Variants in CCDC15 observed in about 807,000 individuals in gnomAD.
CCDC15 encodes the protein coiled-coil domain-containing protein 15.
CCDC15 carries 105 observed loss-of-function variants against 114.5 expected under a neutral mutation model. The ratio of observed to expected loss-of-function variants is 0.92; its 90% CI spans 0.78 to 1.08. The LOEUF (loss-of-function observed/expected upper bound fraction) is 1.08, where lower values mean the gene tolerates loss of function less well. Among genes scored for constraint, CCDC15 ranks in the 50% least tolerant of loss-of-function variants. The pLI, the probability that CCDC15 is intolerant of heterozygous loss-of-function variation, is 0.00. For synonymous variants in CCDC15, 334 were observed against 377.8 expected (o/e 0.88, Z 1.34); for missense variants, 1,105 against 1,093.6 (o/e 1.01, Z -0.15).
chr11:125,009,566 G>GT (rs1948575660), intron 13 of CCDC15, among the ~76,000 whole-genome samples: 2 of 152,200 alleles, frequency 1.3e-5, no homozygotes, highest in South Asian at 4.1e-4. Context: ...GGTATATTGC[G>GT]TGATGCTGAA....
chr11:124,959,372 A>G, intron 3 of CCDC15, 108 bp downstream of exon 3: 1 of 919,570 alleles, frequency 1.1e-6, no homozygotes. Flanking sequence ...CATGCCTAAT[A>G]TAATCTAATT....
chr11:125,025,308 A>C (rs188969250), intron 13 of CCDC15, among the ~76,000 whole-genome samples: 4 of 151,192 alleles, frequency 2.6e-5, no homozygotes, highest in Non-Finnish European at 5.9e-5. Flanking sequence ...GAGATTTGCT[A>C]AACTTTTGTG....
At chr11:124,956,892 T>C (rs1349397289) in intron 2 of CCDC15, among the ~76,000 whole-genome samples, 1 of 152,178 alleles carries the variant, frequency 6.6e-6, no homozygotes, top group Admixed American at 6.5e-5. Context: ...TTAGATCATG[T>C]CTGTTCTAAA....
intron 13 of CCDC15, among the ~76,000 whole-genome samples, chr11:125,016,983 T>G (rs1948633149): frequency 1.3e-5 from 2 of 152,220 alleles, no homozygotes; most frequent in Non-Finnish European, 2.9e-5. Flanking sequence ...AATCTTGTAT[T>G]GATAGTTGGC....
rs773532986 is a variant in CCDC15 at position 124,987,565 on chromosome 11, C to A, written c.1339C>A (p.Gln447Lys). 1 of 1,614,018 alleles carries A rather than the reference C, an allele frequency of 6.2e-7. No individual in the cohort carries two copies. The highest frequency in any genetic ancestry group is 1.7e-5 in the Admixed American group (1 of 60,022). Residue 447 changes from glutamine (Q) to lysine (K), a missense_variant, in exon 8 of 16, where the codon CAG becomes AAG. By Grantham distance (53) the Gln-to-Lys change is moderately conservative (BLOSUM62 1). Transcript: ENST00000344762. ...GAGTATTCTACTCAAATATCAGGAC[C>A]AGGACTTCCTACCCAGAGACCAGCA... ...DQSILLKYQDQDFLPRDQHVL... is the reference protein window; with the variant it reads ...DQSILLKYQDKDFLPRDQHVL...
chr11:125,007,486 C>T (rs1948561002), intron 13 of CCDC15, among the ~76,000 whole-genome samples: 1 of 152,188 alleles, frequency 6.6e-6, no homozygotes, highest in South Asian at 2.1e-4. Flanking sequence ...CTGTTGAAGA[C>T]ACTTAGGTTG....
chr11:125,027,009 T>C (rs2135539146), intron 13 of CCDC15, among the ~76,000 whole-genome samples: 1 of 152,328 alleles, frequency 6.6e-6, no homozygotes, highest in Non-Finnish European at 1.5e-5. Flanking sequence ...ATTCCTGAGT[T>C]ACTTCACTTA....
At chr11:125,008,754 G>A (rs1948568589) in intron 13 of CCDC15, among the ~76,000 whole-genome samples, 1 of 151,178 alleles carries the variant, frequency 6.6e-6, no homozygotes, top group Admixed American at 6.6e-5. Context: ...GTGCAGTGGC[G>A]TGATCTCGGC....
intron 4 of CCDC15, 141 bp from the exon 5 acceptor site, chr11:124,974,955 G>A (rs1947949100): frequency 1.9e-6 from 1 of 526,434 alleles, no homozygotes; most frequent in South Asian, 2.8e-5. Flanking sequence ...GCACATCAAA[G>A]TCTCCTTTGC....
At chr11:124,978,643 C>T (rs1197012103) in intron 6 of CCDC15, among the ~76,000 whole-genome samples, 2 of 152,030 alleles carry the variant, frequency 1.3e-5, no homozygotes, top group Non-Finnish European at 2.9e-5. Flanking sequence ...TGTTAATATC[C>T]TTTGCCCTCT....
chr11:125,013,290 G>A (rs756320935), intron 13 of CCDC15, among the ~76,000 whole-genome samples: 1 of 152,142 alleles, frequency 6.6e-6, no homozygotes, highest in African/African-American at 2.4e-5. Flanking sequence ...GAAGCATAAG[G>A]TGTGTCTGAG....
chr11:124,986,947 T>A lies in CCDC15; in HGVS notation c.900+59T>A. ...TTTGGACTAGGTATTGCCAGTAATG[T>A]TGTACTGATTTAGGATTGTAGATTT... On this transcript the variant is annotated intron_variant, in intron 7 of 15. Coordinates refer to ENST00000344762, the MANE Select transcript of CCDC15 (RefSeq NM_025004.3). 2.1e-6 allele frequency: 3 copies of A among 1,460,564 alleles called. No individual in the cohort carries two copies. The South Asian group carries it at 4.4e-5, about 21-fold the overall frequency. 90.5% of individuals were successfully genotyped at this position (1,460,564 alleles called of 1,614,324 possible).
chr11:124,982,295 G>A (rs1006366539), intron 6 of CCDC15, among the ~76,000 whole-genome samples: 2 of 152,112 alleles, frequency 1.3e-5, no homozygotes, highest in African/African-American at 2.4e-5. Context: ...TACATTCAAG[G>A]TTAGTATTTG....
chr11:124,969,414 C>A (rs551837240), intron 4 of CCDC15, among the ~76,000 whole-genome samples: 4 of 152,086 alleles, frequency 2.6e-5, no homozygotes, highest in Non-Finnish European at 4.4e-5. Flanking sequence ...CCCTTGAAAG[C>A]GGCATTTTGG....
chr11:124,985,948 GA>G (rs1430560750), intron 6 of CCDC15, among the ~76,000 whole-genome samples: 1 of 151,986 alleles, frequency 6.6e-6, no homozygotes, highest in African/African-American at 2.4e-5. Flanking sequence ...AGATCATGAA[GA>G]TTTATTCCTA....
chr11:124,998,452 A>G (rs1216012897), intron 11 of CCDC15, among the ~76,000 whole-genome samples: 3 of 152,110 alleles, frequency 2.0e-5, no homozygotes, highest in Non-Finnish European at 2.9e-5. Flanking sequence ...ACTTAATTTC[A>G]TTCTAACTGA....
Position 125,036,395 on chromosome 11 carries a change from G to C in CCDC15, c.2412-2036G>C, listed in dbSNP as rs1454412517. Reference sequence around the variant, plus strand: ...TTATTTGTTTCTTTTCCTACTTTTAGAATCCTTTCTTTATTATTGACCTTT... The same window carrying C: ...TTATTTGTTTCTTTTCCTACTTTTACAATCCTTTCTTTATTATTGACCTTT... On this transcript the variant is annotated intron_variant, in intron 13 of 15. Transcript: ENST00000344762. Among the ~76,000 whole-genome samples, 4 of 53,878 alleles carry C rather than the reference G, an allele frequency of 7.4e-5. 2 individuals carry two copies. The highest frequency in any genetic ancestry group is 5.9e-4 in the Admixed American group (4 of 6,742). The allele number at this position is 53,878 out of a possible 152,430, so 35.3% of individuals were successfully genotyped here.
Position 124,954,913 on chromosome 11 carries a change from A to C in CCDC15, c.177+4A>C. 6.2e-7 allele frequency: 1 copy of C among 1,613,580 alleles called. No individual in the cohort carries two copies. Among genetic ancestry groups the C allele is most frequent in the Non-Finnish European group, 8.5e-7 (1 of 1,179,566 alleles). ...TAGTTCGGAAATCCCAGCATATGTG[A>C]GTGTCAGTTTGATCCAAATATGGTG... On this transcript the variant is annotated splice_donor_region_variant and intron_variant, in intron 2 of 15. Transcript: ENST00000344762.
intron 13 of CCDC15, among the ~76,000 whole-genome samples, chr11:125,037,282 C>G (rs200499492): frequency 1.3e-5 from 2 of 152,200 alleles, no homozygotes; most frequent in East Asian, 3.9e-4. Context: ...TCTGAATACT[C>G]TACCTAATGT....
Sources: allele counts gnomAD v4.1 joint callset (sites outside exome capture counted in the v4.1 genomes callset), GRCh38; gene constraint gnomAD v4.1.1; transcripts MANE v1.5; gene names NCBI Gene and HGNC (gene_info 2026-07-23, HGNC 2026-07-21).